The following RBMS3 variants were observed in gnomAD, a reference collection of about 807,000 sequenced individuals.
The protein encoded by RBMS3 is RNA-binding motif, single-stranded-interacting protein 3.
Under a neutral mutation model 66.8 loss-of-function variants are expected in RBMS3, and 27 were observed. The ratio of observed to expected loss-of-function variants is 0.40; its 90% CI spans 0.30 to 0.56. RBMS3 has a LOEUF of 0.56. Ranked by LOEUF, RBMS3 falls within the 20% of genes least tolerant of loss-of-function variation. The pLI is 0.40. For missense variants in RBMS3, 513 were observed against 549.5 expected, an observed-to-expected ratio of 0.93 and a Z score of 0.66; for synonymous variants, 188 against 183.0, an observed-to-expected ratio of 1.03 and a Z score of -0.22.
chr3:29,698,176 G>T lies in RBMS3; in HGVS notation c.400-41544G>T. 6 of 976,616 alleles carry T rather than the reference G, an allele frequency of 6.1e-6. No homozygotes were observed. In the South Asian group the frequency reaches 2.8e-4, roughly 46 times the overall value. 60.5% of individuals were successfully genotyped at this position (976,616 alleles called of 1,614,324 possible). On this transcript the variant is annotated intron_variant, in intron 4 of 14. Coordinates refer to ENST00000383767, the MANE Select transcript of RBMS3 (RefSeq NM_001003793.3). Reference sequence around the variant, plus strand: ...ATTAATGCTCCTTCTTCAGACTACTGTTATTCTATTTATAGCCACAGGACT... The same window carrying T: ...ATTAATGCTCCTTCTTCAGACTACTTTTATTCTATTTATAGCCACAGGACT...
At chr3:29,381,143 T>G (rs766509163) in intron 1 of RBMS3, among the ~76,000 whole-genome samples, 6 of 152,132 alleles carry the variant, frequency 3.9e-5, no homozygotes, top group African/African-American at 1.4e-4. Context: ...GAGAGAAAGA[T>G]CCAGAAAGGG....
intron 11 of RBMS3, among the ~76,000 whole-genome samples, chr3:29,941,133 C>T (rs1426052302): frequency 5.9e-5 from 9 of 151,792 alleles, no homozygotes; most frequent in Non-Finnish European, 1.2e-4. Flanking sequence ...TTGTGTTCTC[C>T]AAGCCACTGA....
intron 4 of RBMS3, among the ~76,000 whole-genome samples, chr3:29,628,062 A>G (rs900127524): frequency 1.3e-5 from 2 of 152,160 alleles, no homozygotes; most frequent in Non-Finnish European, 2.9e-5. Context: ...TAAAAACCCA[A>G]TACCATCATC....
rs1172468113 is a variant in RBMS3 at position 30,008,428 on chromosome 3, A to G, written c.*4566A>G. Reference sequence around the variant, plus strand: ...AATGTTTATGTACGTGTATAACAACATTCAGCACATTTGAGGAATCACACA... The same window carrying G: ...AATGTTTATGTACGTGTATAACAACGTTCAGCACATTTGAGGAATCACACA... On this transcript the variant is annotated 3_prime_UTR_variant, in exon 15 of 15. Transcript: ENST00000383767. 6.6e-6 allele frequency: 1 copy of G among 152,128 alleles called. No individual in the cohort carries two copies. The highest frequency in any genetic ancestry group is 1.5e-5 in the Non-Finnish European group (1 of 67,970). The allele number at this position is 152,128 out of a possible 1,614,324, so 9.4% of individuals were successfully genotyped here.
chr3:29,540,792 T>C (rs1183945553), intron 3 of RBMS3, among the ~76,000 whole-genome samples: 26 of 152,114 alleles, frequency 1.7e-4, no homozygotes, highest in South Asian at 2.1e-4. Flanking sequence ...TGGGTTTCGG[T>C]TGATGTCTGG....
intron 3 of RBMS3, among the ~76,000 whole-genome samples, chr3:29,583,636 C>T (rs536727624): frequency 1.8e-4 from 28 of 152,158 alleles, no homozygotes; most frequent in Admixed American, 5.9e-4. Context: ...CCTTGTCTGG[C>T]GAAGGGCAAC....
intron 3 of RBMS3, among the ~76,000 whole-genome samples, chr3:29,535,694 G>T (rs2045524826): frequency 9.2e-6 from 1 of 108,536 alleles, no homozygotes; most frequent in Non-Finnish European, 1.7e-5. Flanking sequence ...TGAGTTCAAT[G>T]ATTGAGATCA....
intron 4 of RBMS3, among the ~76,000 whole-genome samples, chr3:29,690,383 G>A (rs1025620775): frequency 1.3e-5 from 2 of 152,166 alleles, no homozygotes; most frequent in Admixed American, 1.3e-4. Context: ...CCAGGAGTTT[G>A]AGGCTTCAGT....
At chr3:29,373,164 G>A (rs2038295807) in intron 1 of RBMS3, among the ~76,000 whole-genome samples, 2 of 152,174 alleles carry the variant, frequency 1.3e-5, no homozygotes, top group Admixed American at 6.5e-5. Flanking sequence ...TGGTGGTGAT[G>A]TCATGGTCTC....
In RBMS3 at chr3:29,873,647, G is replaced by T. The variant is rs868852875; in HGVS notation, c.744+4683G>T. Among the ~76,000 whole-genome samples the T allele has an allele frequency of 2.0e-5, 3 of 152,080 alleles. No individual in the cohort carries two copies. The South Asian group carries it at 6.2e-4, about 32-fold the overall frequency. Reference sequence around the variant, plus strand: ...TGTTGAATAGAAGTGTTGAGAGAGGGCATCCTTGTCTGGTACTGGTTTTTG... The same window carrying T: ...TGTTGAATAGAAGTGTTGAGAGAGGTCATCCTTGTCTGGTACTGGTTTTTG... On this transcript the variant is annotated intron_variant, in intron 7 of 14. Transcript: ENST00000383767.
In RBMS3 at chr3:29,286,931, A is replaced by T. The variant is rs1478824832; in HGVS notation, c.75+5175A>T. ...ATTCAAAATTGGCTTCAAGTACTACATTGAAATTGTTTTGTAACAGTCTCA... is the reference window on the plus strand; with the variant it reads ...ATTCAAAATTGGCTTCAAGTACTACTTTGAAATTGTTTTGTAACAGTCTCA... On this transcript the variant is annotated intron_variant, in intron 1 of 14. Transcript: ENST00000383767. Among the ~76,000 whole-genome samples, 3 of 152,140 alleles carry T rather than the reference A, an allele frequency of 2.0e-5. No individual in the cohort carries two copies. In the South Asian group the frequency reaches 6.2e-4, roughly 31 times the overall value.
At chr3:29,413,419 T>TACAC (rs1269292197) in intron 1 of RBMS3, among the ~76,000 whole-genome samples, 22,433 of 110,936 alleles carry the variant, frequency 0.2, 2,101 homozygotes, top group Non-Finnish European at 0.28. Context: ...CATACATACA[T>TACAC]ACATACACAG....
At chr3:29,805,104 A>G (rs1230772750) in intron 6 of RBMS3, among the ~76,000 whole-genome samples, 1 of 152,002 alleles carries the variant, frequency 6.6e-6, no homozygotes, top group Non-Finnish European at 1.5e-5. Flanking sequence ...TTGCATAACA[A>G]CCTCTTGGTT....
intron 6 of RBMS3, among the ~76,000 whole-genome samples, chr3:29,822,781 G>A (rs559328241): frequency 9.9e-5 from 15 of 152,182 alleles, no homozygotes; most frequent in East Asian, 3.9e-4. Context: ...CATTAATATC[G>A]CTGTTCATGT....
Position 29,991,129 on chromosome 3 carries a change from G to C in RBMS3, c.1227G>C (p.Gln409His), listed in dbSNP as rs760848414. The change falls in exon 14 of 15, where the codon CAG becomes CAC. Residue 409 changes from glutamine (Q) to histidine (H), a missense_variant. Physicochemically the swap from Gln to His is conservative, Grantham distance 24. Coordinates refer to ENST00000383767, the MANE Select transcript of RBMS3 (RefSeq NM_001003793.3). ...TSPQTVAPSS[Q>H]DTSGQQQQIA... The stretch of plus-strand genomic sequence containing the variant: ...CCCAGACAGTGGCACCTTCATCCCA[G>C]GACACCAGTGGTCAGCAGCAACAGA... The C allele has an allele frequency of 5.6e-6, 9 of 1,613,950 alleles. No individual in the cohort carries two copies. In the South Asian group the frequency reaches 9.9e-5, roughly 18 times the overall value.
intron 10 of RBMS3, among the ~76,000 whole-genome samples, chr3:29,921,161 C>G (rs968961862): frequency 2.0e-5 from 3 of 152,074 alleles, no homozygotes; most frequent in African/African-American, 7.2e-5. Context: ...CTCCCAGGTT[C>G]AAGTGATTCT....
intron 4 of RBMS3, among the ~76,000 whole-genome samples, chr3:29,625,150 C>G (rs1224269996): frequency 6.6e-6 from 1 of 152,180 alleles, no homozygotes; most frequent in Non-Finnish European, 1.5e-5. Context: ...CCCTGCAGAA[C>G]TGTGGTTCAT....
At chr3:29,379,083 C>T (rs2038635531) in intron 1 of RBMS3, among the ~76,000 whole-genome samples, 1 of 152,142 alleles carries the variant, frequency 6.6e-6, no homozygotes. Flanking sequence ...ATTTTCTGTG[C>T]TTTCCTCTTG....
chr3:29,734,600 C>T (rs2149341737), intron 4 of RBMS3, among the ~76,000 whole-genome samples: 1 of 152,148 alleles, frequency 6.6e-6, no homozygotes, highest in Non-Finnish European at 1.5e-5. Context: ...ACTAATCACT[C>T]ACTGAGACCC....
Sources: gnomAD v4.1 joint callset for allele counts (sites outside exome capture counted in the v4.1 genomes callset) on GRCh38, gnomAD v4.1.1 for gene constraint, MANE v1.5 for transcripts, NCBI Gene and HGNC (gene_info 2026-07-23, HGNC 2026-07-21) for gene names.